The following DLG2 variants were observed in gnomAD, a reference collection of about 807,000 sequenced individuals.
DLG2 encodes the protein disks large homolog 2.
In DLG2, 45 loss-of-function variants were observed where a neutral mutation model predicts 132.5. The ratio of observed to expected loss-of-function variants is 0.34; its 90% CI spans 0.27 to 0.44. The LOEUF (loss-of-function observed/expected upper bound fraction) is 0.44, where lower values mean the gene tolerates loss of function less well. Ranked by LOEUF, DLG2 falls within the 20% of genes least tolerant of loss-of-function variation. The pLI, the probability that DLG2 is intolerant of heterozygous loss-of-function variation, is 1.00. For missense variants in DLG2, 1,045 were observed against 1,196.9 expected (o/e 0.87, Z 1.87); for synonymous variants, 424 against 419.6 (o/e 1.01, Z -0.13).
At chr11:84,756,645 C>G (rs562509498) in intron 6 of DLG2, among the ~76,000 whole-genome samples, 2 of 152,036 alleles carry the variant, frequency 1.3e-5, no homozygotes, top group Admixed American at 6.5e-5. Flanking sequence ...GGATACATAA[C>G]AGTTACTATT....
chr11:84,978,708 A>G (rs1045746770), intron 6 of DLG2, among the ~76,000 whole-genome samples: 3 of 152,174 alleles, frequency 2.0e-5, no homozygotes, highest in South Asian at 4.1e-4. Context: ...AACCATAAAA[A>G]CCCTAGAAGA....
intron 6 of DLG2, among the ~76,000 whole-genome samples, chr11:84,616,477 C>T (rs957843960): frequency 6.6e-5 from 10 of 151,926 alleles, no homozygotes; most frequent in African/African-American, 1.2e-4. Context: ...GTTGCATGAC[C>T]GTACAGTTTG....
chr11:85,584,159 AC>A (rs1479104641), intron 3 of DLG2, among the ~76,000 whole-genome samples: 1 of 151,736 alleles, frequency 6.6e-6, no homozygotes, highest in Non-Finnish European at 1.5e-5. Flanking sequence ...TTTTTCCTTC[AC>A]CCTCTGCCCT....
At chr11:85,610,053 G>A (rs1565757818) in intron 2 of DLG2, among the ~76,000 whole-genome samples, 1 of 152,122 alleles carries the variant, frequency 6.6e-6, no homozygotes, top group Non-Finnish European at 1.5e-5. Flanking sequence ...TACTTGAGAA[G>A]GGAATCAACC....
At chr11:84,266,836 A>G (rs1431077921) in intron 7 of DLG2, among the ~76,000 whole-genome samples, 2 of 152,216 alleles carry the variant, frequency 1.3e-5, no homozygotes, top group African/African-American at 4.8e-5. Flanking sequence ...TGTTGCCTAA[A>G]TTCTCCCTTC....
intron 7 of DLG2, among the ~76,000 whole-genome samples, chr11:84,515,352 G>A (rs1020519399): frequency 6.7e-6 from 1 of 149,416 alleles, no homozygotes; most frequent in Non-Finnish European, 1.5e-5. Context: ...CCCACTTTAA[G>A]TAATTGTAAG....
chr11:83,686,507 T>C (rs1486673540), intron 18 of DLG2, among the ~76,000 whole-genome samples: 1 of 152,148 alleles, frequency 6.6e-6, no homozygotes, highest in African/African-American at 2.4e-5. Flanking sequence ...GGTCGTTGTC[T>C]TTTTTGTCCT....
intron 3 of DLG2, among the ~76,000 whole-genome samples, chr11:85,423,184 G>C (rs185728645): frequency 1.3e-5 from 2 of 152,172 alleles, no homozygotes; most frequent in Non-Finnish European, 1.5e-5. Context: ...CTTCCTGAGA[G>C]CTGAGCTGTA....
chr11:83,676,713 C>T (rs770400815), intron 18 of DLG2, among the ~76,000 whole-genome samples: 1 of 152,226 alleles, frequency 6.6e-6, no homozygotes, highest in Non-Finnish European at 1.5e-5. Flanking sequence ...TCTGCCTTTC[C>T]ACCTAGAAAA....
At chr11:84,540,611 AC>A (rs2099366252) in intron 6 of DLG2, among the ~76,000 whole-genome samples, 2 of 152,180 alleles carry the variant, frequency 1.3e-5, no homozygotes, top group South Asian at 4.1e-4. Context: ...AACTACTTCC[AC>A]CATTGTGGAA....
intron 9 of DLG2, among the ~76,000 whole-genome samples, chr11:84,143,060 T>C (rs1034910730): frequency 6.6e-6 from 1 of 152,196 alleles, no homozygotes; most frequent in Non-Finnish European, 1.5e-5. Flanking sequence ...TTGAGATTTT[T>C]CGGTAACCTA....
intron 6 of DLG2, among the ~76,000 whole-genome samples, chr11:84,700,054 T>G (rs1207434991): frequency 6.6e-6 from 1 of 151,638 alleles, no homozygotes; most frequent in Non-Finnish European, 1.5e-5. Context: ...GTTAAACACT[T>G]AGGGTTAGCT....
chr11:83,738,457 T>A (rs977756246), intron 18 of DLG2, among the ~76,000 whole-genome samples: 5 of 152,074 alleles, frequency 3.3e-5, no homozygotes, highest in Admixed American at 1.3e-4. Flanking sequence ...GAAATGTACC[T>A]GTCTAGCACA....
At chr11:85,379,092 T>C (rs980424978) in intron 3 of DLG2, among the ~76,000 whole-genome samples, 1 of 152,214 alleles carries the variant, frequency 6.6e-6, no homozygotes, top group African/African-American at 2.4e-5. Flanking sequence ...TCACCAGTCA[T>C]GCTTCATTCA....
intron 6 of DLG2, among the ~76,000 whole-genome samples, chr11:84,820,730 T>TC (rs1157946044): frequency 5.4e-5 from 4 of 74,436 alleles, no homozygotes; most frequent in Non-Finnish European, 1.3e-4. Flanking sequence ...GTGAAATACC[T>TC]TTTTTTTTTT....
intron 19 of DLG2, among the ~76,000 whole-genome samples, chr11:83,589,145 C>T (rs2097143787): frequency 6.6e-6 from 1 of 150,496 alleles, no homozygotes; most frequent in Non-Finnish European, 1.5e-5. Context: ...GAGAATGCCA[C>T]AAAGATACTC....
chr11:84,603,959 G>C (rs2099581102), intron 6 of DLG2, among the ~76,000 whole-genome samples: 1 of 151,802 alleles, frequency 6.6e-6, no homozygotes, highest in Admixed American at 6.6e-5. Flanking sequence ...GCTGGAATAA[G>C]GAAATTTTCT....
At chr11:84,922,261 G>C (rs181321571) in intron 6 of DLG2, among the ~76,000 whole-genome samples, 85 of 151,788 alleles carry the variant, frequency 5.6e-4, no homozygotes, top group African/African-American at 2.0e-3. Flanking sequence ...TTTCCTTTTG[G>C]ACTTCTTTCT....
At chr11:84,059,226 T>G in intron 11 of DLG2, 89 bp downstream of exon 11, 1 of 1,322,736 alleles carries the variant, frequency 7.6e-7, no homozygotes, top group Non-Finnish European at 1.1e-6. Context: ...ATGTCAGAGG[T>G]TAAAGAGTTC....
Sources: allele counts gnomAD v4.1 joint callset (sites outside exome capture counted in the v4.1 genomes callset), GRCh38; gene constraint gnomAD v4.1.1; transcripts MANE v1.5; gene names NCBI Gene and HGNC (gene_info 2026-07-23, HGNC 2026-07-21).